The following CEP112 variants were observed in gnomAD, a reference collection of about 807,000 sequenced individuals.
CEP112 encodes the protein centrosomal protein of 112 kDa.
CEP112 carries 127 observed loss-of-function variants against 153.0 expected under a neutral mutation model. That is an observed-to-expected ratio of 0.83 (90% CI 0.72 to 0.96). The LOEUF (loss-of-function observed/expected upper bound fraction) is 0.96, where lower values mean the gene tolerates loss of function less well. Ranked by LOEUF, CEP112 falls within the 40% of genes least tolerant of loss-of-function variation. The pLI is 0.00. For synonymous variants in CEP112, 358 were observed against 374.4 expected, an observed-to-expected ratio of 0.96 and a Z score of 0.51; for missense variants, 1,089 against 1,101.2, an observed-to-expected ratio of 0.99 and a Z score of 0.16.
At chr17:65,810,494 C>A (rs536132491) in intron 21 of CEP112, among the ~76,000 whole-genome samples, 1 of 152,174 alleles carries the variant, frequency 6.6e-6, no homozygotes, top group South Asian at 2.1e-4. Context: ...TATCAACCAA[C>A]ATTGAACTTA....
chr17:65,826,080 G>A (rs1227629510), intron 21 of CEP112: 3 of 1,552,086 alleles, frequency 1.9e-6, no homozygotes, highest in Non-Finnish European at 1.8e-6. Context: ...TCAGCAATGA[G>A]ATTTATTTTT....
intron 8 of CEP112, among the ~76,000 whole-genome samples, chr17:66,072,667 T>A (rs1205491848): frequency 6.6e-6 from 1 of 152,192 alleles, no homozygotes; most frequent in Non-Finnish European, 1.5e-5. Context: ...GCTCAGTAAC[T>A]TGGTTAAGAC....
chr17:65,954,415 C>T (rs548330838), intron 18 of CEP112, among the ~76,000 whole-genome samples: 1 of 152,034 alleles, frequency 6.6e-6, no homozygotes, highest in South Asian at 2.1e-4. Context: ...TAAGAAGGAA[C>T]CAGAAAAAAA....
intron 21 of CEP112, among the ~76,000 whole-genome samples, chr17:65,824,101 T>C (rs1352449327): frequency 6.6e-6 from 1 of 152,228 alleles, no homozygotes; most frequent in African/African-American, 2.4e-5. Context: ...TCTTTCTATT[T>C]ACTCAAGTTA....
chr17:66,074,624 G>A (rs963599228), intron 8 of CEP112, among the ~76,000 whole-genome samples: 1 of 152,072 alleles, frequency 6.6e-6, no homozygotes, highest in African/African-American at 2.4e-5. Context: ...CAGCACTTTG[G>A]GAGGCCAAGG....
chr17:66,013,191 T>C (rs573280442), intron 16 of CEP112, among the ~76,000 whole-genome samples: 1 of 152,210 alleles, frequency 6.6e-6, no homozygotes, highest in Non-Finnish European at 1.5e-5. Context: ...ATCATCTTCG[T>C]TCCTATTCAT....
chr17:65,805,326 T>C (rs1379879305), intron 21 of CEP112, among the ~76,000 whole-genome samples: 1 of 152,204 alleles, frequency 6.6e-6, no homozygotes, highest in Non-Finnish European at 1.5e-5. Context: ...AGTCCCTTGC[T>C]CATGCTACTT....
intron 20 of CEP112, among the ~76,000 whole-genome samples, chr17:65,901,516 C>G (rs564539178): frequency 1.3e-5 from 2 of 152,220 alleles, no homozygotes; most frequent in African/African-American, 4.8e-5. Context: ...ATTTCATCCA[C>G]AAGTTTGAGG....
chr17:65,753,766 A>G (rs2052036707), intron 21 of CEP112, among the ~76,000 whole-genome samples: 1 of 152,208 alleles, frequency 6.6e-6, no homozygotes, highest in African/African-American at 2.4e-5. Context: ...AAGTGCTTTA[A>G]AAATATTCAC....
chr17:65,715,237 G>A lies in CEP112; in HGVS notation c.2608-26019C>T, dbSNP rs115541688. Among the ~76,000 whole-genome samples the A allele has an allele frequency of 6.9e-3, 1,056 of 152,208 alleles. 18 individuals are homozygous for A. Among genetic ancestry groups the A allele is most frequent in the African/African-American group, 0.024 (988 of 41,520 alleles). ...AGGCCAAAAGATCATCCACGCAGAGGTGTCTATTCAGTCTGGAACCTGAAG... is the reference window on the plus strand; with the variant it reads ...AGGCCAAAAGATCATCCACGCAGAGATGTCTATTCAGTCTGGAACCTGAAG... On this transcript the variant is annotated intron_variant, in intron 23 of 26. Transcript: ENST00000535342.
chr17:65,960,357 C>CA (rs949610554), intron 18 of CEP112, among the ~76,000 whole-genome samples: 3 of 151,620 alleles, frequency 2.0e-5, no homozygotes, highest in African/African-American at 4.8e-5. Flanking sequence ...TTTAAAAAAA[C>CA]AAAAAAACAT....
Position 66,132,633 on chromosome 17 carries a change from C to T in CEP112, c.564+37G>A, listed in dbSNP as rs183317172. 1.3e-3 allele frequency: 1,876 copies of T among 1,436,352 alleles called. 1 individual carries two copies. Among genetic ancestry groups the T allele is most frequent in the Admixed American group, 3.5e-3 (208 of 59,496 alleles). The allele number at this position is 1,436,352 out of a possible 1,614,324, so 89.0% of individuals were successfully genotyped here. A position where few individuals can be genotyped will look rare whatever the true frequency, so the allele number is the denominator to read the frequency against. The stretch of plus-strand genomic sequence containing the variant: ...ACTTTGTTCAGCTATTTTAAAACAA[C>T]AAGCAAAAACCAAACAAAAGTAAAA... On this transcript the variant is annotated intron_variant, in intron 5 of 26. Transcript: ENST00000535342.
At chr17:65,730,365 C>A (rs1196746773) in intron 23 of CEP112, among the ~76,000 whole-genome samples, 7 of 152,148 alleles carry the variant, frequency 4.6e-5, no homozygotes, top group African/African-American at 1.7e-4. Context: ...CATATCCAAG[C>A]CTATCTTCCA....
intron 24 of CEP112, among the ~76,000 whole-genome samples, chr17:65,643,599 G>A (rs115267672): frequency 0.014 from 2,080 of 152,086 alleles, 56 homozygotes; most frequent in African/African-American, 0.048. Context: ...TGACACCCGG[G>A]CCCCCTGGTA....
intron 20 of CEP112, among the ~76,000 whole-genome samples, chr17:65,892,115 T>C (rs1198146403): frequency 6.6e-6 from 1 of 152,166 alleles, no homozygotes; most frequent in Non-Finnish European, 1.5e-5. Flanking sequence ...CTTACGGCCA[T>C]ATAGGCCATG....
chr17:66,130,284 A>G lies in CEP112; in HGVS notation c.565-461T>C, dbSNP rs570773449. The stretch of plus-strand genomic sequence containing the variant: ...CTTCTCTTTAAGTTCTTTTACAAAA[A>G]GTTTTAATTGTGGTATACCACAGTA... On this transcript the variant is annotated intron_variant, in intron 5 of 26. Coordinates refer to ENST00000535342, the MANE Select transcript of CEP112 (RefSeq NM_001199165.4). 6.2e-4 allele frequency among the ~76,000 whole-genome samples: 94 copies of G among 152,276 alleles called. No homozygotes were observed. In the South Asian group the frequency reaches 7.1e-3, roughly 11 times the overall value.
intron 21 of CEP112, among the ~76,000 whole-genome samples, chr17:65,821,516 AT>A (rs2056554897): frequency 1.3e-3 from 39 of 29,010 alleles, no homozygotes; most frequent in South Asian, 4.5e-3. Context: ...ATATATAATT[AT>A]ATATATATAT....
intron 19 of CEP112, among the ~76,000 whole-genome samples, chr17:65,904,847 T>C (rs1445032324): frequency 1.3e-5 from 2 of 152,198 alleles, no homozygotes; most frequent in Non-Finnish European, 2.9e-5. Context: ...AAACGAGCAA[T>C]GGAGAAAGGA....
chr17:66,082,917 A>G (rs1159076239), intron 8 of CEP112, among the ~76,000 whole-genome samples: 1 of 152,038 alleles, frequency 6.6e-6, no homozygotes, highest in African/African-American at 2.4e-5. Context: ...AATTTTACAT[A>G]TTTTACTCAT....
Sources: allele counts gnomAD v4.1 joint callset (sites outside exome capture counted in the v4.1 genomes callset), GRCh38; gene constraint gnomAD v4.1.1; transcripts MANE v1.5; gene names NCBI Gene and HGNC (gene_info 2026-07-23, HGNC 2026-07-21).